CHN2: variants seen among roughly 807,000 people sequenced by gnomAD.
CHN2 encodes chimerin 2.
CHN2 carries 35 observed loss-of-function variants against 56.3 expected under a neutral mutation model. The observed-to-expected ratio is 0.62, with a 90% CI of 0.47 to 0.82. CHN2 has a LOEUF of 0.82. Ranked by LOEUF, CHN2 falls within the 40% of genes least tolerant of loss-of-function variation. The probability of loss-of-function intolerance (pLI) is 0.00; values close to 1 mark genes in which losing one functional copy is unlikely to be tolerated. For missense variants in CHN2, 491 were observed against 580.5 expected (o/e 0.85, Z 1.58); for synonymous variants, 210 against 212.8 (o/e 0.99, Z 0.12).
chr7:29,460,444 G>A (rs917216696), intron 6 of CHN2, among the ~76,000 whole-genome samples: 16 of 152,304 alleles, frequency 1.1e-4, no homozygotes, highest in South Asian at 8.3e-4. Context: ...TTCTAAGAGG[G>A]TACCCTTCTA....
chr7:29,300,332 G>A (rs1793562485), intron 1 of CHN2, among the ~76,000 whole-genome samples: 1 of 152,170 alleles, frequency 6.6e-6, no homozygotes, highest in South Asian at 2.1e-4. Flanking sequence ...GAAAGACCCT[G>A]AAAGAAGAGA....
At chr7:29,152,609 A>G (rs1215844793) in intron 2 of CHN2, among the ~76,000 whole-genome samples, 3 of 152,140 alleles carry the variant, frequency 2.0e-5, no homozygotes, top group Non-Finnish European at 2.9e-5. Context: ...GTTTGTTCCC[A>G]TCCACCCCAC....
intron 6 of CHN2, among the ~76,000 whole-genome samples, chr7:29,464,558 T>A (rs1022048960): frequency 6.6e-6 from 1 of 152,162 alleles, no homozygotes; most frequent in South Asian, 2.1e-4. Context: ...AAAAAGTGGA[T>A]TTTCATAAAA....
intron 1 of CHN2, among the ~76,000 whole-genome samples, chr7:29,289,911 C>A (rs1205662249): frequency 6.6e-6 from 1 of 152,182 alleles, no homozygotes; most frequent in Non-Finnish European, 1.5e-5. Context: ...TCCAAACCAA[C>A]CTGTATCTCA....
chr7:29,503,242 GCTC>G (rs1391599013), intron 9 of CHN2, among the ~76,000 whole-genome samples: 1 of 152,152 alleles, frequency 6.6e-6, no homozygotes, highest in Non-Finnish European at 1.5e-5. Flanking sequence ...GAGCAAGCTC[GCTC>G]TCTCACTCTC....
chr7:29,505,291 T>C (rs1360540707), intron 10 of CHN2, among the ~76,000 whole-genome samples: 1 of 152,220 alleles, frequency 6.6e-6, no homozygotes, highest in Non-Finnish European at 1.5e-5. Flanking sequence ...TATGGGTCAC[T>C]GGGACCCAAC....
intron 1 of CHN2, among the ~76,000 whole-genome samples, chr7:29,296,491 T>C (rs976586512): frequency 9.2e-5 from 14 of 152,216 alleles, no homozygotes; most frequent in South Asian, 8.3e-4. Flanking sequence ...AAATGACTTG[T>C]AGTTTCTGAG....
intron 6 of CHN2, among the ~76,000 whole-genome samples, chr7:29,466,925 A>T (rs1163835120): frequency 6.6e-6 from 1 of 152,226 alleles, no homozygotes; most frequent in Non-Finnish European, 1.5e-5. Flanking sequence ...GTTTTAAAAG[A>T]TAAAAAAAGG....
At chr7:29,161,628 G>T (rs973569829) in intron 2 of CHN2, among the ~76,000 whole-genome samples, 1 of 152,112 alleles carries the variant, frequency 6.6e-6, no homozygotes, top group African/African-American at 2.4e-5. Flanking sequence ...ACCACGATGG[G>T]TAGACTGGCC....
At chr7:29,413,385 C>T (rs1803426813) in intron 6 of CHN2, among the ~76,000 whole-genome samples, 1 of 152,178 alleles carries the variant, frequency 6.6e-6, no homozygotes, top group Admixed American at 6.5e-5. Flanking sequence ...CCCAACACAC[C>T]TTTAACAGAG....
In CHN2 at chr7:29,513,834, G is replaced by T. The variant is rs1213538929; in HGVS notation, c.*1099G>T. On this transcript the variant is annotated 3_prime_UTR_variant, in exon 13 of 13. Coordinates refer to ENST00000222792, the MANE Select transcript of CHN2 (RefSeq NM_004067.4). ...AAAAGTAGCTCTGTGTGGATAATAT[G>T]ATTTTATTACTACAGTTCCAGTCAC... 3 of 152,712 alleles carry T rather than the reference G, an allele frequency of 2.0e-5. No homozygotes were observed. The East Asian group carries it at 5.8e-4, about 29-fold the overall frequency. The allele number at this position is 152,712 out of a possible 1,614,324, so 9.5% of individuals were successfully genotyped here. A position where few individuals can be genotyped will look rare whatever the true frequency, so the allele number is the denominator to read the frequency against.
intron 2 of CHN2, among the ~76,000 whole-genome samples, chr7:29,161,150 T>C (rs1795122483): frequency 6.6e-6 from 1 of 152,172 alleles, no homozygotes; most frequent in African/African-American, 2.4e-5. Flanking sequence ...AGGAAGGTGC[T>C]CAAGGTTAGG....
At chr7:29,326,419 G>C (rs1795807264) in intron 1 of CHN2, among the ~76,000 whole-genome samples, 1 of 152,194 alleles carries the variant, frequency 6.6e-6, no homozygotes, top group Non-Finnish European at 1.5e-5. Context: ...GCTTCCCAAA[G>C]TGTTGGGATT....
At chr7:29,441,798 G>A (rs577841505) in intron 6 of CHN2, among the ~76,000 whole-genome samples, 1 of 152,336 alleles carries the variant, frequency 6.6e-6, no homozygotes, top group East Asian at 1.9e-4. Context: ...TGGTGAGGAT[G>A]TGGAGAAATC....
At chr7:29,250,709 T>G (rs1562864870) in intron 1 of CHN2, among the ~76,000 whole-genome samples, 1 of 118,514 alleles carries the variant, frequency 8.4e-6, no homozygotes, top group African/African-American at 2.8e-5. Context: ...CCTGAACTTC[T>G]TCTTTTTTTT....
At chr7:29,208,386 C>T (rs1784675642) in intron 1 of CHN2, among the ~76,000 whole-genome samples, 1 of 152,162 alleles carries the variant, frequency 6.6e-6, no homozygotes, top group African/African-American at 2.4e-5. Flanking sequence ...ACTAGAACTT[C>T]TTCCTTAAGG....
intron 3 of CHN2, among the ~76,000 whole-genome samples, chr7:29,371,092 T>C (rs944915679): frequency 6.6e-6 from 1 of 152,184 alleles, no homozygotes; most frequent in Non-Finnish European, 1.5e-5. Context: ...TGCTGCATAA[T>C]GGGTACTCAG....
chr7:29,282,567 T>G (rs1024847312), intron 1 of CHN2, among the ~76,000 whole-genome samples: 1 of 152,228 alleles, frequency 6.6e-6, no homozygotes, highest in African/African-American at 2.4e-5. Context: ...TTAACTGTAC[T>G]GGTGGATTTT....
At chr7:29,369,038 T>C (rs1350687131) in intron 3 of CHN2, among the ~76,000 whole-genome samples, 1 of 152,214 alleles carries the variant, frequency 6.6e-6, no homozygotes, top group African/African-American at 2.4e-5. Flanking sequence ...AAATAATATA[T>C]TCAATAATAT....
Sources: allele counts gnomAD v4.1 joint callset (sites outside exome capture counted in the v4.1 genomes callset), GRCh38; gene constraint gnomAD v4.1.1; transcripts MANE v1.5; gene names NCBI Gene and HGNC (gene_info 2026-07-23, HGNC 2026-07-21).